The following NRG3 variants were observed in gnomAD, a reference collection of about 807,000 sequenced individuals.
The protein encoded by NRG3 is neuregulin 3.
NRG3 carries 31 observed loss-of-function variants against 66.9 expected under a neutral mutation model. The observed-to-expected ratio is 0.46, with a 90% CI of 0.35 to 0.63. The LOEUF is 0.63. Ranked by LOEUF, NRG3 falls within the 20% of genes least tolerant of loss-of-function variation. The probability of loss-of-function intolerance (pLI) is 0.00; values close to 1 mark genes in which losing one functional copy is unlikely to be tolerated. For synonymous variants in NRG3, 393 were observed against 359.4 expected (o/e 1.09, Z -1.06); for missense variants, 910 against 878.9 (o/e 1.04, Z -0.45).
At chr10:82,380,912 A>T (rs2085574190) in intron 2 of NRG3, among the ~76,000 whole-genome samples, 1 of 152,142 alleles carries the variant, frequency 6.6e-6, no homozygotes, top group South Asian at 2.1e-4. Context: ...TTAATAGTAG[A>T]ATGGCAGCGG....
At chr10:82,144,988 C>A (rs919390908) in intron 1 of NRG3, among the ~76,000 whole-genome samples, 1 of 152,102 alleles carries the variant, frequency 6.6e-6, no homozygotes, top group African/African-American at 2.4e-5. Flanking sequence ...CCCACTTTTT[C>A]TTTTAAAACT....
chr10:82,491,994 T>C (rs1203833258), intron 2 of NRG3, among the ~76,000 whole-genome samples: 1 of 152,228 alleles, frequency 6.6e-6, no homozygotes, highest in Non-Finnish European at 1.5e-5. Context: ...GATTAATCTC[T>C]TGTTACAACA....
intron 1 of NRG3, among the ~76,000 whole-genome samples, chr10:82,055,327 A>C (rs1177149138): frequency 6.6e-6 from 1 of 151,896 alleles, no homozygotes; most frequent in Non-Finnish European, 1.5e-5. Context: ...ATACAAAAAA[A>C]ATAGCCAGGC....
At chr10:82,380,020 TAGG>T (rs1444517996) in intron 2 of NRG3, among the ~76,000 whole-genome samples, 1 of 152,036 alleles carries the variant, frequency 6.6e-6, no homozygotes. Flanking sequence ...TTGTGTGAAA[TAGG>T]AGAGCAAAAG....
At chr10:82,343,300 C>T (rs776741655) in intron 1 of NRG3, among the ~76,000 whole-genome samples, 1 of 151,976 alleles carries the variant, frequency 6.6e-6, no homozygotes, top group Non-Finnish European at 1.5e-5. Flanking sequence ...GAACTCAATC[C>T]TATTTACAAT....
At chr10:82,477,528 TATGC>T (rs1841891143) in intron 2 of NRG3, among the ~76,000 whole-genome samples, 1 of 152,144 alleles carries the variant, frequency 6.6e-6, no homozygotes, top group South Asian at 2.1e-4. Context: ...CTTGACCACT[TATGC>T]TATAGAGAGA....
intron 1 of NRG3, among the ~76,000 whole-genome samples, chr10:82,093,635 C>T (rs990742618): frequency 2.0e-5 from 3 of 152,168 alleles, no homozygotes; most frequent in African/African-American, 7.2e-5. Flanking sequence ...CTTCTTGTAT[C>T]AAATAATGCA....
In NRG3 at chr10:82,297,228, T is replaced by C. The variant is rs2080119730; in HGVS notation, c.824-61511T>C. On this transcript the variant is annotated intron_variant, in intron 1 of 8. Transcript: ENST00000372141. ...TCTATGACTTTGCTATTGTGAATAG[T>C]GCTACAATAAACATAAAAATGCAGG... Among the ~76,000 whole-genome samples, 3 of 152,180 alleles carry C rather than the reference T, an allele frequency of 2.0e-5. No individual in the cohort carries two copies. In the South Asian group the frequency reaches 6.2e-4, roughly 32 times the overall value.
At chr10:81,997,303 T>C (rs953250779) in intron 1 of NRG3, among the ~76,000 whole-genome samples, 2 of 152,206 alleles carry the variant, frequency 1.3e-5, no homozygotes, top group East Asian at 1.9e-4. Context: ...TTCTGAGTTA[T>C]GACTGTGGGA....
chr10:82,728,144 C>T (rs190749176), intron 2 of NRG3, among the ~76,000 whole-genome samples: 2 of 152,230 alleles, frequency 1.3e-5, no homozygotes, highest in East Asian at 3.9e-4. Flanking sequence ...AGACGTTGGA[C>T]TGTGGACTTT....
intron 2 of NRG3, among the ~76,000 whole-genome samples, chr10:82,563,400 C>T (rs1181041989): frequency 6.6e-6 from 1 of 151,990 alleles, no homozygotes; most frequent in African/African-American, 2.4e-5. Context: ...ATTAATTTTG[C>T]ATCAATAATC....
chr10:82,865,253 T>C (rs976693150), intron 3 of NRG3, among the ~76,000 whole-genome samples, 158 bp from the exon 4 acceptor site: 2 of 152,206 alleles, frequency 1.3e-5, no homozygotes, highest in Non-Finnish European at 2.9e-5. Flanking sequence ...GTTGGTGATC[T>C]GTAATGTATC....
At chr10:82,675,141 G>A (rs1238602501) in intron 2 of NRG3, among the ~76,000 whole-genome samples, 1 of 151,968 alleles carries the variant, frequency 6.6e-6, no homozygotes, top group East Asian at 1.9e-4. Context: ...TATGTTTGTA[G>A]AGATGGGGTT....
chr10:82,943,383 G>A (rs1848735100), intron 4 of NRG3, among the ~76,000 whole-genome samples: 1 of 152,258 alleles, frequency 6.6e-6, no homozygotes, highest in South Asian at 2.1e-4. Flanking sequence ...GGTGATCTTA[G>A]CCAGGCCACC....
chr10:82,165,105 T>A (rs1449741479), intron 1 of NRG3, among the ~76,000 whole-genome samples: 1 of 152,164 alleles, frequency 6.6e-6, no homozygotes, highest in Non-Finnish European at 1.5e-5. Flanking sequence ...CATTCCATTG[T>A]ATGGATGCTA....
intron 2 of NRG3, among the ~76,000 whole-genome samples, chr10:82,660,010 A>G (rs144260721): frequency 0.021 from 3,119 of 151,782 alleles, 104 homozygotes; most frequent in African/African-American, 0.07. Context: ...AGCCTGGCCA[A>G]CATGGTGAAA....
At chr10:82,845,133 C>T (rs776282264) in intron 3 of NRG3, among the ~76,000 whole-genome samples, 8 of 151,978 alleles carry the variant, frequency 5.3e-5, no homozygotes, top group East Asian at 1.9e-4. Flanking sequence ...CCAGCCTGGG[C>T]GATAAAGCGA....
At chr10:82,390,595 G>A (rs777853155) in intron 2 of NRG3, among the ~76,000 whole-genome samples, 11 of 152,122 alleles carry the variant, frequency 7.2e-5, no homozygotes, top group Non-Finnish European at 1.3e-4. Context: ...TTTCAAAAAT[G>A]TGTAGTTTGA....
chr10:82,665,181 G>A (rs563842794), intron 2 of NRG3, among the ~76,000 whole-genome samples: 9 of 152,262 alleles, frequency 5.9e-5, no homozygotes, highest in South Asian at 4.1e-4. Context: ...AGAGAAGGCT[G>A]ATTTCTATGT....
Sources: allele counts gnomAD v4.1 joint callset (sites outside exome capture counted in the v4.1 genomes callset), GRCh38; gene constraint gnomAD v4.1.1; transcripts MANE v1.5; gene names NCBI Gene and HGNC (gene_info 2026-07-23, HGNC 2026-07-21).